The following CDH8 variants were observed in gnomAD, a reference collection of about 807,000 sequenced individuals.
The protein encoded by CDH8 is cadherin-8.
In CDH8, 17 loss-of-function variants were observed where a neutral mutation model predicts 68.1. The ratio of observed to expected loss-of-function variants is 0.25; its 90% CI spans 0.17 to 0.37. The LOEUF is 0.37. Ranked by LOEUF, CDH8 falls within the 10% of genes least tolerant of loss-of-function variation. The pLI is 1.00. For synonymous variants in CDH8, 372 were observed against 365.1 expected, an observed-to-expected ratio of 1.02 and a Z score of -0.21; for missense variants, 763 against 999.3, an observed-to-expected ratio of 0.76 and a Z score of 3.19.
intron 2 of CDH8, among the ~76,000 whole-genome samples, chr16:61,939,935 G>A (rs1400731882): frequency 6.6e-6 from 1 of 152,134 alleles, no homozygotes; most frequent in Non-Finnish European, 1.5e-5. Context: ...AAGTGAAGGG[G>A]ACAGGATTTT....
At chr16:61,866,576 G>A (rs969328502) in intron 3 of CDH8, among the ~76,000 whole-genome samples, 1 of 147,508 alleles carries the variant, frequency 6.8e-6, no homozygotes, top group African/African-American at 2.4e-5. Flanking sequence ...TATAGTGTGT[G>A]TGTGTATATA....
At chr16:61,696,276 G>T (rs1468520316) in intron 10 of CDH8, among the ~76,000 whole-genome samples, 1 of 152,116 alleles carries the variant, frequency 6.6e-6, no homozygotes, top group Non-Finnish European at 1.5e-5. Context: ...TTGCAATGGG[G>T]CTATCAATCA....
intron 3 of CDH8, among the ~76,000 whole-genome samples, chr16:61,880,740 G>A (rs1963559044): frequency 6.6e-6 from 1 of 152,202 alleles, no homozygotes; most frequent in South Asian, 2.1e-4. Context: ...TGTGGAACCA[G>A]AGGTGAGTGG....
chr16:61,810,231 T>A (rs1961908423), intron 7 of CDH8, among the ~76,000 whole-genome samples: 1 of 152,210 alleles, frequency 6.6e-6, no homozygotes, highest in African/African-American at 2.4e-5. Context: ...TTTGTTATTA[T>A]GCCTAAAGAA....
At chr16:61,709,238 G>A (rs1303983443) in intron 10 of CDH8, among the ~76,000 whole-genome samples, 1 of 152,012 alleles carries the variant, frequency 6.6e-6, no homozygotes, top group African/African-American at 2.4e-5. Context: ...AAGGACAATT[G>A]GCTTAGCAAG....
intron 2 of CDH8, among the ~76,000 whole-genome samples, chr16:62,017,547 G>A (rs952960989): frequency 6.6e-6 from 1 of 152,148 alleles, no homozygotes; most frequent in African/African-American, 2.4e-5. Context: ...GCCAAGCATG[G>A]TGGTGCATGA....
intron 8 of CDH8, among the ~76,000 whole-genome samples, chr16:61,748,474 CAAAT>C (rs1488938153): frequency 2.0e-5 from 3 of 151,608 alleles, no homozygotes; most frequent in Admixed American, 1.3e-4. Flanking sequence ...AACAGAAAAA[CAAAT>C]AAACAGAGTA....
rs373760659 is a variant in CDH8 at position 61,995,672 on chromosome 16, C to T, written c.252+25480G>A. ...GATTACAGGCGTGAGCCATGGCTCCCGGCCTACTTTTACTTTTTATGTGTC... is the reference window on the plus strand; with the variant it reads ...GATTACAGGCGTGAGCCATGGCTCCTGGCCTACTTTTACTTTTTATGTGTC... On this transcript the variant is annotated intron_variant, in intron 2 of 11. Transcript: ENST00000577390. Among the ~76,000 whole-genome samples, 8 of 152,250 alleles carry T rather than the reference C, an allele frequency of 5.3e-5. No individual in the cohort carries two copies. The South Asian group carries it at 6.2e-4, about 12-fold the overall frequency.
intron 8 of CDH8, among the ~76,000 whole-genome samples, chr16:61,736,951 C>T (rs1395129153): frequency 2.6e-5 from 4 of 152,006 alleles, no homozygotes; most frequent in South Asian, 2.1e-4. Context: ...AAGGAAAAGC[C>T]CATATCAATT....
At chr16:61,734,127 C>T (rs554629884) in intron 8 of CDH8, among the ~76,000 whole-genome samples, 12 of 151,588 alleles carry the variant, frequency 7.9e-5, no homozygotes, top group African/African-American at 2.9e-4. Flanking sequence ...AGAGAATAAT[C>T]AAACAGTGTT....
chr16:61,649,129 T>C lies in CDH8; in HGVS notation c.*4479A>G, dbSNP rs1376295001. The stretch of plus-strand genomic sequence containing the variant: ...ATTTCCTGCAAAGTATATTCTACAA[T>C]TATTTTGTCCACAAAAAAATACAAT... On this transcript the variant is annotated 3_prime_UTR_variant, in exon 12 of 12. Transcript: ENST00000577390. The C allele has an allele frequency of 6.6e-6, 1 of 152,012 alleles. No homozygotes were observed. Among genetic ancestry groups the C allele is most frequent in the African/African-American group, 2.4e-5 (1 of 41,428 alleles). 9.4% of individuals were successfully genotyped at this position (152,012 alleles called of 1,614,324 possible).
chr16:61,755,973 A>G (rs927961373), intron 8 of CDH8, among the ~76,000 whole-genome samples: 5 of 151,946 alleles, frequency 3.3e-5, no homozygotes, highest in Non-Finnish European at 7.4e-5. Context: ...AGCACATACA[A>G]CCACGCCTGG....
At chr16:61,817,419 A>T in intron 7 of CDH8, 60 bp downstream of exon 7, 2 of 1,571,334 alleles carry the variant, frequency 1.3e-6, no homozygotes, top group Non-Finnish European at 1.8e-6. Flanking sequence ...AAGCAAAGGC[A>T]TTTTTCACTG....
At chr16:61,760,218 C>T (rs745629663) in intron 8 of CDH8, among the ~76,000 whole-genome samples, 1 of 151,896 alleles carries the variant, frequency 6.6e-6, no homozygotes, top group Non-Finnish European at 1.5e-5. Flanking sequence ...TAATTGGTTA[C>T]TATTATTTTA....
intron 8 of CDH8, among the ~76,000 whole-genome samples, chr16:61,729,448 A>C (rs16963885): frequency 0.01 from 1,541 of 151,372 alleles, 28 homozygotes; most frequent in African/African-American, 0.036. Flanking sequence ...TTGTACCATC[A>C]TGAAGAGTTT....
In CDH8 at chr16:61,789,427, C is replaced by G. The variant is rs756831047; in HGVS notation, c.1333G>C (p.Asp445His). ...GGTGTTGCCAGCGTTATCTTCCCAT[C>G]GTCTGCATTAATGTTGAACTGCCTC... ...LERQFNINAD[D>H]GKITLATPLD... The change falls in exon 8 of 12, where the codon GAT (aspartate) becomes CAT (histidine). Residue 445 changes from aspartate (D) to histidine (H), a missense_variant. By Grantham distance (81) the Asp-to-His change is moderately conservative. Coordinates refer to ENST00000577390, the MANE Select transcript of CDH8 (RefSeq NM_001796.5). The G allele has an allele frequency of 6.2e-7, 1 of 1,612,990 alleles. No individual in the cohort carries two copies. Among genetic ancestry groups the G allele is most frequent in the Non-Finnish European group, 8.5e-7 (1 of 1,179,350 alleles).
chr16:61,811,298 G>T (rs908163937), intron 7 of CDH8, among the ~76,000 whole-genome samples: 1 of 152,096 alleles, frequency 6.6e-6, no homozygotes, highest in Non-Finnish European at 1.5e-5. Context: ...AGTTGAATTC[G>T]CAGGTATAGT....
rs573611131 is a variant in CDH8, at chr16:61,978,809, C to T, written c.252+42343G>A. On this transcript the variant is annotated intron_variant, in intron 2 of 11. Coordinates refer to ENST00000577390, the MANE Select transcript of CDH8 (RefSeq NM_001796.5). ...AAACGGCTACTTACAGTTGATTTTCCTTTTGACAAGGGGAAATTGCATTCC... is the reference window on the plus strand; with the variant it reads ...AAACGGCTACTTACAGTTGATTTTCTTTTTGACAAGGGGAAATTGCATTCC... Among the ~76,000 whole-genome samples, 58 of 152,254 alleles carry T rather than the reference C, an allele frequency of 3.8e-4. No homozygotes were observed. In the South Asian group the frequency reaches 7.9e-3, roughly 21 times the overall value.
At chr16:61,787,559 A>C (rs1170772619) in intron 8 of CDH8, among the ~76,000 whole-genome samples, 1 of 141,172 alleles carries the variant, frequency 7.1e-6, no homozygotes, top group African/African-American at 2.7e-5. Context: ...TAGAACTAGA[A>C]ATACCATTTG....
Sources: allele counts gnomAD v4.1 joint callset (sites outside exome capture counted in the v4.1 genomes callset), GRCh38; gene constraint gnomAD v4.1.1; transcripts MANE v1.5; gene names NCBI Gene and HGNC (gene_info 2026-07-23, HGNC 2026-07-21).